RELN: variants seen among roughly 807,000 people sequenced by gnomAD.
RELN encodes reelin.
Under a neutral mutation model 427.6 loss-of-function variants are expected in RELN, and 108 were observed. That is an observed-to-expected ratio of 0.25 (90% confidence interval 0.22 to 0.30). The LOEUF (loss-of-function observed/expected upper bound fraction) is 0.30, where lower values mean the gene tolerates loss of function less well. Among genes scored for constraint, RELN ranks in the 10% least tolerant of loss-of-function variants. RELN has a pLI of 1.00. For synonymous variants in RELN, 1,524 were observed against 1,513.4 expected (o/e 1.01, Z -0.16); for missense variants, 3,715 against 4,302.8 (o/e 0.86, Z 3.82).
intron 4 of RELN, among the ~76,000 whole-genome samples, chr7:103,776,176 A>G (rs1584484226): frequency 1.3e-5 from 2 of 152,348 alleles, no homozygotes; most frequent in South Asian, 4.1e-4. Context: ...AATCATGTAT[A>G]ATATGATCAA....
In RELN at chr7:103,503,102, A is replaced by C; in HGVS notation, c.8403T>G (p.Ser2801=). ...ATACAGATGGCTGAGAAACACTTCC[A>C]GAGCATTTTGGGTCAGCAGGCAAGC... ...PQCLPADPKC[S]GSVSQPSVFF... The change falls in exon 52 of 65, where the codon TCT becomes TCG. Residue 2801 remains serine (S), a synonymous_variant. Coordinates refer to ENST00000428762, the MANE Select transcript of RELN (RefSeq NM_005045.4). 6.2e-7 allele frequency: 1 copy of C among 1,614,218 alleles called. No homozygotes were observed. Among genetic ancestry groups the C allele is most frequent in the Non-Finnish European group, 8.5e-7 (1 of 1,180,040 alleles).
intron 2 of RELN, among the ~76,000 whole-genome samples, chr7:103,909,741 A>ATAAATATATAT (rs1795308912): frequency 7.5e-5 from 2 of 26,604 alleles, no homozygotes; most frequent in Non-Finnish European, 1.3e-4. Flanking sequence ...TTTAATATAT[A>ATAAATATATAT]TAAATATATA....
At chr7:103,550,312 A>C (rs1830384050) in intron 41 of RELN, among the ~76,000 whole-genome samples, 1 of 152,172 alleles carries the variant, frequency 6.6e-6, no homozygotes, top group Non-Finnish European at 1.5e-5. Flanking sequence ...AGGAATATAA[A>C]TCTATTTCCA....
At chr7:103,680,107 TC>T (rs886484756) in intron 11 of RELN, among the ~76,000 whole-genome samples, 2 of 151,680 alleles carry the variant, frequency 1.3e-5, no homozygotes, top group African/African-American at 4.8e-5. Context: ...AAATTTTATT[TC>T]CCCCCCAAAC....
At chr7:103,729,106 T>A (rs917286348) in intron 6 of RELN, among the ~76,000 whole-genome samples, 2 of 152,154 alleles carry the variant, frequency 1.3e-5, no homozygotes, top group Non-Finnish European at 2.9e-5. Flanking sequence ...CCTACAATCA[T>A]TACATTCCTA....
intron 6 of RELN, among the ~76,000 whole-genome samples, chr7:103,745,443 G>T (rs1281126737): frequency 1.3e-5 from 2 of 148,804 alleles, no homozygotes; most frequent in East Asian, 3.9e-4. Flanking sequence ...AGGAAATAAA[G>T]GGTATTCAAT....
chr7:103,827,710 A>C (rs1315303728), intron 3 of RELN, among the ~76,000 whole-genome samples: 2 of 152,004 alleles, frequency 1.3e-5, no homozygotes, highest in African/African-American at 4.8e-5. Flanking sequence ...AGGATAGACA[A>C]TATTTCTTTT....
chr7:103,920,029 C>G (rs1197198018), intron 1 of RELN, among the ~76,000 whole-genome samples: 1 of 152,146 alleles, frequency 6.6e-6, no homozygotes, highest in Admixed American at 6.6e-5. Context: ...TAAACAAGCT[C>G]TCCATGAATC....
chr7:103,850,912 T>A (rs1049372327), intron 2 of RELN, among the ~76,000 whole-genome samples: 2 of 152,186 alleles, frequency 1.3e-5, no homozygotes, highest in Non-Finnish European at 2.9e-5. Flanking sequence ...ATAGCCACTA[T>A]GGAAAACAGT....
chr7:103,799,614 C>T (rs185452049), intron 3 of RELN, among the ~76,000 whole-genome samples: 5 of 152,312 alleles, frequency 3.3e-5, no homozygotes, highest in Admixed American at 2.0e-4. Context: ...TCATCTTAAA[C>T]GTCTTCCTCA....
At chr7:103,542,918 C>A (rs760180971) in intron 42 of RELN, 40 bp from the exon 43 acceptor site, 93 of 1,596,140 alleles carry the variant, frequency 5.8e-5, no homozygotes, top group Non-Finnish European at 7.9e-5. Context: ...ATGACCCCAA[C>A]TATAGTGAGT....
At chr7:103,854,185 T>C (rs1451434727) in intron 2 of RELN, among the ~76,000 whole-genome samples, 5 of 152,204 alleles carry the variant, frequency 3.3e-5, no homozygotes, top group Non-Finnish European at 7.4e-5. Context: ...CTGTTTGCTT[T>C]TATCGATTCA....
In RELN at chr7:103,569,035, T is replaced by C. The variant is rs749544028; in HGVS notation, c.4589-2276A>G. Reference sequence around the variant, plus strand: ...TTCCCCCTTTGAGTGTGGATAGTTTTAGTAACTTGCTTCTAATGAATAGAA... The same window carrying C: ...TTCCCCCTTTGAGTGTGGATAGTTTCAGTAACTTGCTTCTAATGAATAGAA... On this transcript the variant is annotated intron_variant, in intron 31 of 64. Transcript: ENST00000428762. The surrounding 1 kb of genome is among the most constrained non-coding windows in gnomAD (Gnocchi z 4.0). Among the ~76,000 whole-genome samples the C allele has an allele frequency of 1.3e-5, 2 of 152,232 alleles. No individual in the cohort carries two copies. Among genetic ancestry groups the C allele is most frequent in the Non-Finnish European group, 2.9e-5 (2 of 68,038 alleles).
intron 28 of RELN, among the ~76,000 whole-genome samples, chr7:103,588,140 T>C (rs539651335): frequency 3.1e-4 from 47 of 152,188 alleles, no homozygotes; most frequent in Non-Finnish European, 6.0e-4. Context: ...TCAACCTAAA[T>C]GTTAATCAAC....
At chr7:103,903,630 G>A (rs1236204422) in intron 2 of RELN, among the ~76,000 whole-genome samples, 2 of 151,920 alleles carry the variant, frequency 1.3e-5, no homozygotes, top group Non-Finnish European at 1.5e-5. Context: ...GAATCTGCTC[G>A]AAAATGTACA....
At chr7:103,518,505 G>GTTTGTTTTTTTTTTTTTTTTT (rs1829625291) in intron 49 of RELN, among the ~76,000 whole-genome samples, 2 of 114,404 alleles carry the variant, frequency 1.7e-5, no homozygotes, top group South Asian at 3.1e-4. Flanking sequence ...GGTAATTTAA[G>GTTTGTTTTTTTTTTTTTTTTT]TTTTTTTTTT....
chr7:103,865,833 G>A (rs1018607826), intron 2 of RELN, among the ~76,000 whole-genome samples: 2 of 152,060 alleles, frequency 1.3e-5, no homozygotes, highest in African/African-American at 4.8e-5. Context: ...CTCTAAGATC[G>A]GGAACAAGGT....
chr7:103,634,857 T>C (rs1409697000), intron 19 of RELN, among the ~76,000 whole-genome samples: 2 of 152,048 alleles, frequency 1.3e-5, no homozygotes, highest in African/African-American at 2.4e-5. Context: ...ACAGTGTTAA[T>C]TACTTTTCTC....
intron 3 of RELN, among the ~76,000 whole-genome samples, chr7:103,790,747 A>T (rs1189411108): frequency 6.6e-6 from 1 of 152,116 alleles, no homozygotes; most frequent in Non-Finnish European, 1.5e-5. Flanking sequence ...GTGGATCATG[A>T]GGTCAGGAGT....
Sources: allele counts gnomAD v4.1 joint callset (sites outside exome capture counted in the v4.1 genomes callset), GRCh38; gene constraint gnomAD v4.1.1; non-coding constraint Gnocchi (gnomAD v3.1); transcripts MANE v1.5; gene names NCBI Gene and HGNC (gene_info 2026-07-23, HGNC 2026-07-21).